Variants in NVL observed in about 807,000 individuals in gnomAD.
NVL encodes nuclear valosin-containing protein-like.
A neutral mutation model predicts 110.2 loss-of-function variants in NVL; 84 were observed. The ratio of observed to expected loss-of-function variants is 0.76; its 90% confidence interval spans 0.64 to 0.91. The LOEUF is 0.91. Ranked by LOEUF, NVL falls within the 40% of genes least tolerant of loss-of-function variation. The pLI, the probability that NVL is intolerant of heterozygous loss-of-function variation, is 0.00. For missense variants in NVL, 882 were observed against 1,035.9 expected (o/e 0.85, Z 2.04); for synonymous variants, 354 against 361.1 (o/e 0.98, Z 0.22).
At chr1:224,308,320 AG>A in intron 5 of NVL, 57 bp from the exon 6 acceptor site, 2 of 1,466,360 alleles carry the variant, frequency 1.4e-6, no homozygotes, top group Non-Finnish European at 1.8e-6. Flanking sequence ...TACTCATAAA[AG>A]TTGTATTGCC....
chr1:224,236,366 G>A (rs1660469848), intron 20 of NVL, 140 bp downstream of exon 20: 1 of 645,454 alleles, frequency 1.5e-6, no homozygotes, highest in Non-Finnish European at 2.8e-6. Context: ...GAAGGGAGAT[G>A]CCAGACACTT....
chr1:224,257,116 T>G, intron 18 of NVL: 1 of 528,038 alleles, frequency 1.9e-6, no homozygotes, highest in South Asian at 1.4e-5. Flanking sequence ...GAGACAGAAT[T>G]CTTAGGTAGA....
At chr1:224,312,506 T>C (rs1337910371) in intron 4 of NVL, 1 of 152,270 alleles carries the variant, frequency 6.6e-6, no homozygotes, top group Non-Finnish European at 1.5e-5. Flanking sequence ...ACACTGCTAG[T>C]ATTTAATACT....
Position 224,317,702 on chromosome 1 carries a change from C to T in NVL, c.276G>A (p.Glu92=). 1 of 1,586,940 alleles carries T rather than the reference C, an allele frequency of 6.3e-7. No individual in the cohort carries two copies. The highest frequency in any genetic ancestry group is 8.7e-7 in the Non-Finnish European group (1 of 1,156,020). The change falls in exon 4 of 23, where the codon GAG becomes GAA. Residue 92 remains glutamate, a synonymous_variant. Coordinates refer to ENST00000281701, the MANE Select transcript of NVL (RefSeq NM_002533.4). ...HLAKRARQGE[E]DNEYTESYSD... is the part of the protein sequence containing the mutation. ...GCATTTGGTATACTTACTCATTATC[C>T]TCTTCACCTTGTCTTGCCCTTTTTG...
intron 19 of NVL, among the ~76,000 whole-genome samples, chr1:224,237,961 C>CAAAAA (rs200152434): frequency 1.5e-5 from 2 of 135,726 alleles, no homozygotes; most frequent in East Asian, 2.3e-4. Context: ...GACTTGGTTT[C>CAAAAA]AAAAAAAAAA....
chr1:224,234,318 G>A (rs919797728), intron 20 of NVL, among the ~76,000 whole-genome samples: 1 of 152,098 alleles, frequency 6.6e-6, no homozygotes, highest in African/African-American at 2.4e-5. Context: ...AAGAGTTTGA[G>A]TTTGGGGATA....
intron 5 of NVL, 38 bp downstream of exon 5, chr1:224,311,762 G>C: frequency 6.4e-7 from 1 of 1,555,382 alleles, no homozygotes. Context: ...AACTAAAAAA[G>C]AAAAAATCTA....
intron 18 of NVL, among the ~76,000 whole-genome samples, chr1:224,262,320 T>A (rs1323877346): frequency 7.2e-5 from 11 of 152,052 alleles, no homozygotes. Context: ...AGGTTACTAA[T>A]CAAAATTAGG....
chr1:224,255,978 T>C (rs984188288), intron 18 of NVL, among the ~76,000 whole-genome samples: 13 of 152,214 alleles, frequency 8.5e-5, no homozygotes, highest in African/African-American at 3.1e-4. Flanking sequence ...GAAAAGACTA[T>C]ACATTCTCCA....
At chr1:224,235,396 G>T (rs1660350084) in intron 20 of NVL, among the ~76,000 whole-genome samples, 1 of 152,068 alleles carries the variant, frequency 6.6e-6, no homozygotes, top group Non-Finnish European at 1.5e-5. Flanking sequence ...TCAAATTTCT[G>T]ACCTCAAGTG....
chr1:224,320,061 G>C (rs2102779285), intron 2 of NVL, among the ~76,000 whole-genome samples: 1 of 152,144 alleles, frequency 6.6e-6, no homozygotes, highest in Admixed American at 6.5e-5. Context: ...CAGATTAAAG[G>C]AAACTAAAAA....
chr1:224,245,859 C>T (rs546913789), intron 19 of NVL, among the ~76,000 whole-genome samples: 2 of 152,000 alleles, frequency 1.3e-5, no homozygotes, highest in Admixed American at 6.6e-5. Flanking sequence ...AGGTGGGATC[C>T]GTCCACCTTG....
At chr1:224,294,212 A>G (rs1159822127) in intron 12 of NVL, 55 bp downstream of exon 12, 1 of 1,578,562 alleles carries the variant, frequency 6.3e-7, no homozygotes, top group Admixed American at 1.7e-5. Context: ...TTACTTTCAA[A>G]CCATTCAGTT....
chr1:224,229,500 T>C (rs1659632448), intron 22 of NVL, among the ~76,000 whole-genome samples: 1 of 151,870 alleles, frequency 6.6e-6, no homozygotes, highest in African/African-American at 2.4e-5. Context: ...AGTGGTGCAA[T>C]CTTGGCTCAC....
chr1:224,261,869 G>A (rs1664025916), intron 18 of NVL, among the ~76,000 whole-genome samples: 1 of 152,138 alleles, frequency 6.6e-6, no homozygotes, highest in South Asian at 2.1e-4. Context: ...GCTGAGGTGG[G>A]ATGATCTCTT....
chr1:224,324,255 C>T (rs1670928496), intron 2 of NVL, among the ~76,000 whole-genome samples: 1 of 152,076 alleles, frequency 6.6e-6, no homozygotes, highest in Non-Finnish European at 1.5e-5. Context: ...TATGGGATCA[C>T]CATCATACAT....
In NVL at chr1:224,268,089, C is replaced by T. The variant is rs751531560; in HGVS notation, c.2127G>A (p.Met709Ile). ...VRVVNQLLTE[M>I]DGLEARQQVF... ...CCTGCTGGCGTGCTTCCAGACCATC[C>T]ATCTCTGTAAGTAGCTGATTCACCA... Residue 709 changes from methionine (M) to isoleucine (I), a missense_variant, in exon 18 of 23, where the codon ATG (methionine) becomes ATA (isoleucine). By Grantham distance (10) the Met-to-Ile change is conservative. Coordinates refer to ENST00000281701, the MANE Select transcript of NVL (RefSeq NM_002533.4). 6.2e-7 allele frequency: 1 copy of T among 1,613,908 alleles called. No individual in the cohort carries two copies. The highest frequency in any genetic ancestry group is 1.3e-5 in the African/African-American group (1 of 74,904).
At chr1:224,321,617 G>A (rs998760681) in intron 2 of NVL, among the ~76,000 whole-genome samples, 5 of 151,904 alleles carry the variant, frequency 3.3e-5, no homozygotes, top group Non-Finnish European at 7.4e-5. Flanking sequence ...TTTTTAGGGT[G>A]TGGTGGTGTA....
At chr1:224,291,154 A>G (rs1266668904) in intron 12 of NVL, among the ~76,000 whole-genome samples, 2 of 152,238 alleles carry the variant, frequency 1.3e-5, no homozygotes, top group African/African-American at 2.4e-5. Flanking sequence ...AAATGAATAC[A>G]TGCAAAGCAC....
Sources: gnomAD v4.1 joint callset for allele counts (sites outside exome capture counted in the v4.1 genomes callset) on GRCh38, gnomAD v4.1.1 for gene constraint, MANE v1.5 for transcripts, NCBI Gene and HGNC (gene_info 2026-07-23, HGNC 2026-07-21) for gene names.